The following FEM1C variants were observed in gnomAD, a reference collection of about 807,000 sequenced individuals.
FEM1C encodes the protein fem-1 homolog C.
Under a neutral mutation model 37.6 loss-of-function variants are expected in FEM1C, and 15 were observed. That is an observed-to-expected ratio of 0.40 (90% CI 0.27 to 0.61). The LOEUF (loss-of-function observed/expected upper bound fraction) is 0.61, where lower values mean the gene tolerates loss of function less well. FEM1C is among the 20% of genes least tolerant of loss of function. The probability of loss-of-function intolerance (pLI) is 0.42; values close to 1 mark genes in which losing one functional copy is unlikely to be tolerated. For missense variants in FEM1C, 532 were observed against 749.7 expected, an observed-to-expected ratio of 0.71 and a Z score of 3.39; for synonymous variants, 287 against 272.8, an observed-to-expected ratio of 1.05 and a Z score of -0.51.
rs1753791907 is a variant in FEM1C at position 115,522,258 on chromosome 5, A to T, written c.*2050T>A. On this transcript the variant is annotated 3_prime_UTR_variant, in exon 3 of 3. Coordinates refer to ENST00000274457, the MANE Select transcript of FEM1C (RefSeq NM_020177.3). ...TTTTCCTTTATAAAAATAATAGCTT[A>T]TTCATATATAATTCTTATACCACAA... is the stretch of plus-strand genomic sequence containing the variant. The T allele has an allele frequency of 6.6e-6, 1 of 151,952 alleles. No homozygotes were observed. The highest frequency in any genetic ancestry group is 1.5e-5 in the Non-Finnish European group (1 of 67,886). 9.4% of individuals were successfully genotyped at this position (151,952 alleles called of 1,614,324 possible).
At chr5:115,535,282 G>GA (rs1754101079) in intron 2 of FEM1C, among the ~76,000 whole-genome samples, 1 of 47,884 alleles carries the variant, frequency 2.1e-5, no homozygotes. Flanking sequence ...CATCAAAAAA[G>GA]TTAAAAAAAA....
intron 2 of FEM1C, among the ~76,000 whole-genome samples, chr5:115,535,272 C>T (rs1580382711): frequency 1.0e-5 from 1 of 99,192 alleles, no homozygotes; most frequent in East Asian, 2.8e-4. Flanking sequence ...TAAACACCAC[C>T]ATCAAAAAAG....
At chr5:115,542,156 TA>T (rs1346624403) in intron 2 of FEM1C, among the ~76,000 whole-genome samples, 3 of 152,150 alleles carry the variant, frequency 2.0e-5, no homozygotes, top group Non-Finnish European at 4.4e-5. Context: ...TTTTAAGGGT[TA>T]AAAAAATTCT....
chr5:115,531,896 C>T (rs1754023602), intron 2 of FEM1C, among the ~76,000 whole-genome samples: 1 of 152,108 alleles, frequency 6.6e-6, no homozygotes. Flanking sequence ...GCATCTCCCA[C>T]ACACAAGGGA....
At chr5:115,544,242 C>T in intron 1 of FEM1C, 2 of 927,916 alleles carry the variant, frequency 2.2e-6, no homozygotes, top group Non-Finnish European at 2.6e-6. Context: ...TAACTTCGCC[C>T]GCCCCATTTC....
In FEM1C at chr5:115,522,669, C is replaced by A. The variant is rs970778001; in HGVS notation, c.*1639G>T. On this transcript the variant is annotated 3_prime_UTR_variant, in exon 3 of 3. Coordinates refer to ENST00000274457, the MANE Select transcript of FEM1C (RefSeq NM_020177.3). ...GACTCCTTAAATAGTGTAACATCAA[C>A]CCTCAGAATAAAATGTCAACACAAA... 1.3e-5 allele frequency: 2 copies of A among 152,376 alleles called. No homozygotes were observed. Among genetic ancestry groups the A allele is most frequent in the South Asian group, 4.1e-4 (2 of 4,824 alleles). The allele number at this position is 152,376 out of a possible 1,614,324, so 9.4% of individuals were successfully genotyped here. A position where few individuals can be genotyped will look rare whatever the true frequency, so the allele number is the denominator to read the frequency against.
At position 115,521,656 on chromosome 5, in the gene FEM1C, T is replaced by A. The variant is rs1400879124; in HGVS notation, c.*2652A>T. 5 of 151,848 alleles carry A rather than the reference T, an allele frequency of 3.3e-5. No individual in the cohort carries two copies. The highest frequency in any genetic ancestry group is 3.3e-4 in the Admixed American group (5 of 15,198). 9.4% of individuals were successfully genotyped at this position (151,848 alleles called of 1,614,324 possible). ...TTAATAACTTACACATTAACTCCAG[T>A]CAATAACACCGTGCTACAGTGTACA... is the stretch of plus-strand genomic sequence containing the variant. On this transcript the variant is annotated 3_prime_UTR_variant, in exon 3 of 3. Coordinates refer to ENST00000274457, the MANE Select transcript of FEM1C (RefSeq NM_020177.3).
rs765332480 is a variant in FEM1C, at chr5:115,525,259, T to C, written c.903A>G (p.Glu301=). ...TLIMAYDYAK[E]VNSAEELEGL... ...CTTCTAGCTCTTCTGCACTGTTCAC[T>C]TCCTTGGCATAATCATAAGCCATTA... The change falls in exon 3 of 3, where the codon GAA becomes GAG. Residue 301 remains glutamate (E), a synonymous_variant. Transcript: ENST00000274457. The C allele has an allele frequency of 8.1e-6, 13 of 1,613,624 alleles. No individual in the cohort carries two copies. Among genetic ancestry groups the C allele is most frequent in the African/African-American group, 2.7e-5 (2 of 74,890 alleles).
rs1311374890 is a variant in FEM1C at position 115,521,347 on chromosome 5, AAATAATAGTAG to A, written c.*2950_*2960del. ...CCCATATAACCTAAACAATTTTCCC[AAATAATAGTAG>A]ACTGGGGTCTCTATACACATTAAGG... On this transcript the variant is annotated 3_prime_UTR_variant, in exon 3 of 3. Transcript: ENST00000274457. The A allele has an allele frequency of 1.3e-5, 2 of 151,800 alleles. No homozygotes were observed. Among genetic ancestry groups the A allele is most frequent in the African/African-American group, 4.8e-5 (2 of 41,422 alleles). The allele number at this position is 151,800 out of a possible 1,614,324, so 9.4% of individuals were successfully genotyped here.
rs117611256 is a variant in FEM1C, at chr5:115,522,763, C to G, written c.*1545G>C. On this transcript the variant is annotated 3_prime_UTR_variant, in exon 3 of 3. Coordinates refer to ENST00000274457, the MANE Select transcript of FEM1C (RefSeq NM_020177.3). ...GAGTTTTTCTCAAATCAATAAGGAGCTTTTTATTGAGAACAACTTCATTAA... is the reference window on the plus strand; with the variant it reads ...GAGTTTTTCTCAAATCAATAAGGAGGTTTTTATTGAGAACAACTTCATTAA... 2.3e-4 allele frequency: 35 copies of G among 152,552 alleles called. No individual in the cohort carries two copies. The East Asian group carries it at 6.8e-3, about 29-fold the overall frequency. 9.4% of individuals were successfully genotyped at this position (152,552 alleles called of 1,614,324 possible). A position where few individuals can be genotyped will look rare whatever the true frequency, so the allele number is the denominator to read the frequency against.
In FEM1C at chr5:115,521,703, T is replaced by C. The variant is rs1753779491; in HGVS notation, c.*2605A>G. 1 of 151,904 alleles carries C rather than the reference T, an allele frequency of 6.6e-6. No individual in the cohort carries two copies. Among genetic ancestry groups the C allele is most frequent in the African/African-American group, 2.4e-5 (1 of 41,430 alleles). The allele number at this position is 151,904 out of a possible 1,614,324, so 9.4% of individuals were successfully genotyped here. A position where few individuals can be genotyped will look rare whatever the true frequency, so the allele number is the denominator to read the frequency against. ...TACAGTTTAGTTAGACTCAAGAGTG[T>C]AATTGGTTCATTATTAAATTTACTC... is the stretch of plus-strand genomic sequence containing the variant. On this transcript the variant is annotated 3_prime_UTR_variant, in exon 3 of 3. Transcript: ENST00000274457.
At chr5:115,542,403 CAAAT>C (rs1257652476) in intron 2 of FEM1C, among the ~76,000 whole-genome samples, 3 of 152,038 alleles carry the variant, frequency 2.0e-5, no homozygotes, top group African/African-American at 7.2e-5. Context: ...TGACCACAAA[CAAAT>C]ATAGAATAAG....
chr5:115,543,725 A>G (rs1189342120), intron 1 of FEM1C, 42 bp from the exon 2 acceptor site: 5 of 1,337,872 alleles, frequency 3.7e-6, no homozygotes, highest in Admixed American at 3.7e-5. Flanking sequence ...AATTTTCTAT[A>G]GAAGAAGGCA....
rs1243255001 is a variant in FEM1C at position 115,523,824 on chromosome 5, T to C, written c.*484A>G. 1 of 157,042 alleles carries C rather than the reference T, an allele frequency of 6.4e-6. No individual in the cohort carries two copies. The highest frequency in any genetic ancestry group is 1.4e-5 in the Non-Finnish European group (1 of 70,782). 9.7% of individuals were successfully genotyped at this position (157,042 alleles called of 1,614,324 possible). A position where few individuals can be genotyped will look rare whatever the true frequency, so the allele number is the denominator to read the frequency against. On this transcript the variant is annotated 3_prime_UTR_variant, in exon 3 of 3. Coordinates refer to ENST00000274457, the MANE Select transcript of FEM1C (RefSeq NM_020177.3). ...GGTAACTGCAAATGGTAACGAGTCC[T>C]TAAGGTTTGTACAACCTAGTATGGG...
At chr5:115,536,076 G>GACTC (rs1415688416) in intron 2 of FEM1C, among the ~76,000 whole-genome samples, 2 of 151,886 alleles carry the variant, frequency 1.3e-5, no homozygotes, top group Non-Finnish European at 2.9e-5. Context: ...GGGGAATGAG[G>GACTC]AGGGATAGGA....
chr5:115,537,549 T>C lies in FEM1C; in HGVS notation c.544+5401A>G, dbSNP rs139430369. Among the ~76,000 whole-genome samples, 147 of 152,154 alleles carry C rather than the reference T, an allele frequency of 9.7e-4. 1 individual carries two copies. Among genetic ancestry groups the C allele is most frequent in the African/African-American group, 3.4e-3 (142 of 41,548 alleles). On this transcript the variant is annotated intron_variant, in intron 2 of 2. Coordinates refer to ENST00000274457, the MANE Select transcript of FEM1C (RefSeq NM_020177.3). Reference sequence around the variant, plus strand: ...TACAGCTTAGTTTATCCAACTAAGATACTAATTCTTCCCAAGGACACAGAA... The same window carrying C: ...TACAGCTTAGTTTATCCAACTAAGACACTAATTCTTCCCAAGGACACAGAA...
chr5:115,543,015 C>T lies in FEM1C; in HGVS notation c.479G>A (p.Gly160Glu). Residue 160 changes from glycine (G) to glutamate (E), a missense_variant, in exon 2 of 3, where the codon GGA (glycine) becomes GAA (glutamate). By Grantham distance (98) the Gly-to-Glu change is moderately conservative. Coordinates refer to ENST00000274457, the MANE Select transcript of FEM1C (RefSeq NM_020177.3). ...TAAATACTGAGCAATCTCTTTATGT[C>T]CTTTGTAACATGAAATCATCAAGCA... is the stretch of plus-strand genomic sequence containing the variant. ...HTCLMISCYK[G>E]HKEIAQYLLE... 1 of 1,614,200 alleles carries T rather than the reference C, an allele frequency of 6.2e-7. No individual in the cohort carries two copies. Among genetic ancestry groups the T allele is most frequent in the South Asian group, 1.1e-5 (1 of 91,078 alleles).
Position 115,522,540 on chromosome 5 carries a change from T to A in FEM1C, c.*1768A>T, listed in dbSNP as rs1312372432. 6.6e-6 allele frequency: 1 copy of A among 151,968 alleles called. No individual in the cohort carries two copies. Among genetic ancestry groups the A allele is most frequent in the Non-Finnish European group, 1.5e-5 (1 of 67,916 alleles). 9.4% of individuals were successfully genotyped at this position (151,968 alleles called of 1,614,324 possible). On this transcript the variant is annotated 3_prime_UTR_variant, in exon 3 of 3. Transcript: ENST00000274457. ...CTTTTAAAAATTAAATCTCAATTAT[T>A]TAACCAAAAAGTCTAATGTTCTCTT...
rs936779977 is a variant in FEM1C, at chr5:115,544,672, T to C, written c.-340A>G. On this transcript the variant is annotated 5_prime_UTR_variant, in exon 1 of 3. Coordinates refer to ENST00000274457, the MANE Select transcript of FEM1C (RefSeq NM_020177.3). ...CTCCATGCTCCGCGCCCCAAAGGAA[T>C]GAATCCGGCCGCGCTGTTCGCCACG... is the stretch of plus-strand genomic sequence containing the variant. 6.5e-6 allele frequency: 1 copy of C among 153,186 alleles called. No homozygotes were observed. The allele number at this position is 153,186 out of a possible 1,614,324, so 9.5% of individuals were successfully genotyped here.
Sources: allele counts gnomAD v4.1 joint callset (sites outside exome capture counted in the v4.1 genomes callset), GRCh38; gene constraint gnomAD v4.1.1; transcripts MANE v1.5; gene names NCBI Gene and HGNC (gene_info 2026-07-23, HGNC 2026-07-21).